RBFOX1: variants seen among roughly 807,000 people sequenced by gnomAD.
RBFOX1 encodes RNA binding protein fox-1 homolog 1.
In RBFOX1, 8 loss-of-function variants were observed where a neutral mutation model predicts 57.7. The ratio of observed to expected loss-of-function variants is 0.14; its 90% CI spans 0.08 to 0.25. The LOEUF (loss-of-function observed/expected upper bound fraction) is 0.25, where lower values mean the gene tolerates loss of function less well. Ranked by LOEUF, RBFOX1 falls within the 10% of genes least tolerant of loss-of-function variation. The pLI, the probability that RBFOX1 is intolerant of heterozygous loss-of-function variation, is 1.00. For synonymous variants in RBFOX1, 326 were observed against 222.4 expected, an observed-to-expected ratio of 1.47 and a Z score of -4.15; for missense variants, 611 against 548.5, an observed-to-expected ratio of 1.11 and a Z score of -1.14.
At chr16:6,943,884 A>G (rs895690325) in intron 3 of RBFOX1, among the ~76,000 whole-genome samples, 4 of 152,050 alleles carry the variant, frequency 2.6e-5, no homozygotes, top group Non-Finnish European at 5.9e-5. Context: ...TGATTTCTAT[A>G]CATCACTTCC....
chr16:7,512,714 GC>G (rs1035975704), intron 4 of RBFOX1, among the ~76,000 whole-genome samples: 16 of 152,214 alleles, frequency 1.1e-4, no homozygotes, highest in African/African-American at 3.6e-4. Flanking sequence ...CACCAGTGGT[GC>G]CCCCAGCTGG....
At chr16:7,361,868 C>G (rs1202098186) in intron 4 of RBFOX1, among the ~76,000 whole-genome samples, 2 of 142,748 alleles carry the variant, frequency 1.4e-5, no homozygotes, top group Non-Finnish European at 1.5e-5. Context: ...TGTGTTAGTG[C>G]GTGTGTTTTG....
At chr16:7,147,370 AGG>A (rs1212114421) in intron 4 of RBFOX1, among the ~76,000 whole-genome samples, 1 of 149,354 alleles carries the variant, frequency 6.7e-6, no homozygotes, top group African/African-American at 2.5e-5. Flanking sequence ...TCTGTTACAC[AGG>A]TAAACTGCAT....
chr16:7,634,763 A>C (rs1392844126), intron 11 of RBFOX1, among the ~76,000 whole-genome samples: 1 of 152,164 alleles, frequency 6.6e-6, no homozygotes, highest in Admixed American at 6.5e-5. Context: ...CCTAGTTCAA[A>C]TTGTGTCACA....
chr16:6,486,036 C>G (rs1193510728), intron 2 of RBFOX1, among the ~76,000 whole-genome samples: 3 of 134,578 alleles, frequency 2.2e-5, no homozygotes, highest in African/African-American at 8.5e-5. Flanking sequence ...TTTCCTCTCT[C>G]TACTAGGAGT....
At chr16:6,041,586 A>T (rs919440481) in intron 1 of RBFOX1, among the ~76,000 whole-genome samples, 2 of 152,168 alleles carry the variant, frequency 1.3e-5, no homozygotes, top group Admixed American at 6.5e-5. Flanking sequence ...CTGAAGCCAC[A>T]TACCTCATAA....
intron 4 of RBFOX1, among the ~76,000 whole-genome samples, chr16:7,465,878 A>C (rs1210375511): frequency 6.6e-6 from 1 of 152,230 alleles, no homozygotes; most frequent in Non-Finnish European, 1.5e-5. Context: ...TTATCTGTTC[A>C]TACATACATT....
intron 4 of RBFOX1, among the ~76,000 whole-genome samples, chr16:7,268,707 T>C: frequency 6.6e-6 from 1 of 152,106 alleles, no homozygotes; most frequent in East Asian, 1.9e-4. Context: ...TAGAGCCTCC[T>C]TGGGACTAGC....
At chr16:5,702,783 G>C (rs573821678) in intron 3 of RBFOX1, among the ~76,000 whole-genome samples, 1 of 152,204 alleles carries the variant, frequency 6.6e-6, no homozygotes, top group South Asian at 2.1e-4. Context: ...GGGTTGGCAA[G>C]TAGTGATCTT....
chr16:7,196,307 A>G (rs916214220), intron 4 of RBFOX1, among the ~76,000 whole-genome samples: 1 of 152,108 alleles, frequency 6.6e-6, no homozygotes, highest in Non-Finnish European at 1.5e-5. Context: ...CTCCCCTTTC[A>G]TCCTGAAGAT....
chr16:6,322,486 C>G (rs896599770), intron 2 of RBFOX1, among the ~76,000 whole-genome samples: 1 of 152,188 alleles, frequency 6.6e-6, no homozygotes, highest in Non-Finnish European at 1.5e-5. Flanking sequence ...CTATGTAGAT[C>G]TCTGTTAAGC....
chr16:6,933,756 G>A (rs1467661205), intron 3 of RBFOX1, among the ~76,000 whole-genome samples: 2 of 152,132 alleles, frequency 1.3e-5, no homozygotes, highest in Non-Finnish European at 1.5e-5. Flanking sequence ...AAGGGAGTGG[G>A]GAAGAAGTAT....
intron 1 of RBFOX1, among the ~76,000 whole-genome samples, chr16:6,131,212 C>T (rs757803200): frequency 2.6e-5 from 4 of 152,168 alleles, no homozygotes; most frequent in Non-Finnish European, 4.4e-5. Context: ...TGTGTTTGAT[C>T]GGAGTGTTAG....
At chr16:6,718,040 A>T (rs913458340) in intron 3 of RBFOX1, among the ~76,000 whole-genome samples, 3 of 152,152 alleles carry the variant, frequency 2.0e-5, no homozygotes, top group Admixed American at 2.0e-4. Context: ...CTGGTGTTTC[A>T]TCCCAAATAA....
intron 4 of RBFOX1, among the ~76,000 whole-genome samples, chr16:7,440,523 G>T (rs1054481482): frequency 6.6e-6 from 1 of 152,098 alleles, no homozygotes; most frequent in Non-Finnish European, 1.5e-5. Flanking sequence ...GGCGGCATTT[G>T]AGCTGGGTCA....
intron 3 of RBFOX1, among the ~76,000 whole-genome samples, chr16:5,843,528 C>T (rs1046576262): frequency 6.6e-6 from 1 of 152,144 alleles, no homozygotes; most frequent in Non-Finnish European, 1.5e-5. Flanking sequence ...ATATGTTCCA[C>T]ATTTTCTTTG....
intron 2 of RBFOX1, among the ~76,000 whole-genome samples, chr16:6,392,294 C>T (rs1019496843): frequency 2.0e-5 from 3 of 152,156 alleles, no homozygotes; most frequent in African/African-American, 4.8e-5. Context: ...CATTGAATTT[C>T]GAAGAAGCAT....
At chr16:6,340,557 G>T (rs1401685977) in intron 2 of RBFOX1, among the ~76,000 whole-genome samples, 4 of 152,166 alleles carry the variant, frequency 2.6e-5, no homozygotes, top group Admixed American at 2.0e-4. Flanking sequence ...TCCCTTTTTA[G>T]ACCATGTAGG....
At position 7,327,549 on chromosome 16, in the gene RBFOX1, A is replaced by T. The variant is rs116882816; in HGVS notation, c.28-190598A>T. On this transcript the variant is annotated intron_variant, in intron 4 of 15. Transcript: ENST00000550418. ...AATGTGATGATAGGATCAGGGAAAC[A>T]CTCTGTTTTATGCATTTTGTTTTGT... is the stretch of plus-strand genomic sequence containing the variant. Among the ~76,000 whole-genome samples, 53 of 152,238 alleles carry T rather than the reference A, an allele frequency of 3.5e-4. No homozygotes were observed. In the East Asian group the frequency reaches 8.1e-3, roughly 23 times the overall value.
Sources: gnomAD v4.1 joint callset for allele counts (sites outside exome capture counted in the v4.1 genomes callset) on GRCh38, gnomAD v4.1.1 for gene constraint, MANE v1.5 for transcripts, NCBI Gene and HGNC (gene_info 2026-07-23, HGNC 2026-07-21) for gene names.